Variants in EIF4G1 observed in about 807,000 individuals in gnomAD.
EIF4G1 encodes the protein EIF4-gamma.
Under a neutral mutation model 187.8 loss-of-function variants are expected in EIF4G1, and 4 were observed. The observed-to-expected ratio is 0.02, with a 90% CI of 0.01 to 0.05. The LOEUF is 0.05. EIF4G1 is among the 10% of genes least tolerant of loss of function. EIF4G1 has a pLI of 1.00. For synonymous variants in EIF4G1, 844 were observed against 781.4 expected (o/e 1.08, Z -1.34); for missense variants, 1,647 against 2,081.1 (o/e 0.79, Z 4.06).
chr3:184,322,912 G>A lies in EIF4G1; in HGVS notation c.1887G>A (p.Lys629=), dbSNP rs1371543004. The A allele has an allele frequency of 6.2e-7, 1 of 1,614,178 alleles. No individual in the cohort carries two copies. ...GFQFIFASMQ[K]PEGLPHISDV... ...AGTTCATCTTTGCCAGTATGCAGAA[G>A]CCAGAGGGATTGCCACATATCAGTG... Residue 629 remains lysine (K), a synonymous_variant, in exon 13 of 33, where the codon AAG becomes AAA. Coordinates refer to ENST00000346169, the MANE Select transcript of EIF4G1 (RefSeq NM_198241.3).
At position 184,322,004 on chromosome 3, in the gene EIF4G1, G is replaced by A. The variant is rs772168600; in HGVS notation, c.1420G>A (p.Ala474Thr). The change falls in exon 10 of 33, where the codon GCT becomes ACT. Residue 474 changes from alanine (A) to threonine (T), a missense_variant. Around this residue, in one of 11 missense-constraint regions of EIF4G1, gnomAD observed 522 missense variants for 485.2 expected, o/e 1.08. Transcript: ENST00000346169. Reference sequence around the variant, plus strand: ...AGGAGAAGCAGGAGAAGCAGGAGAAGCTGAGAGTGAGAAAGGAGGAGAGGA... The same window carrying A: ...AGGAGAAGCAGGAGAAGCAGGAGAAACTGAGAGTGAGAAAGGAGGAGAGGA... ...EEGEAGEAGE[A>T]ESEKGGEELL... 2 of 1,614,186 alleles carry A rather than the reference G, an allele frequency of 1.2e-6. No homozygotes were observed. The highest frequency in any genetic ancestry group is 2.2e-5 in the East Asian group (1 of 44,888).
intron 6 of EIF4G1, among the ~76,000 whole-genome samples, chr3:184,318,450 CTA>C (rs1469177355): frequency 6.6e-6 from 1 of 152,084 alleles, no homozygotes; most frequent in African/African-American, 2.4e-5. Context: ...GACCCTGTCT[CTA>C]TTTTAAAATT....
chr3:184,321,036 T>A (rs779764384), intron 9 of EIF4G1, 43 bp downstream of exon 9: 48 of 1,604,050 alleles, frequency 3.0e-5, no homozygotes, highest in Middle Eastern at 3.9e-4. Context: ...GGAAAGGGAA[T>A]GTTAACAGTT....
At position 184,331,284 on chromosome 3, in the gene EIF4G1, A is replaced by T. The variant is rs1426032500; in HGVS notation, c.4180A>T (p.Thr1394Ser). Reference sequence around the variant, plus strand: ...TTTCCAGGGTCCTAAAAAGGTGGGGACGCTGTGGCGAGAAGCCGGGCTTAG... The same window carrying T: ...TTTCCAGGGTCCTAAAAAGGTGGGGTCGCTGTGGCGAGAAGCCGGGCTTAG... Reference protein sequence around the residue: ...CKSMGPKKVGTLWREAGLSWK... With the variant: ...CKSMGPKKVGSLWREAGLSWK... Residue 1394 changes from threonine to serine, a missense_variant, in exon 29 of 33, where the codon ACG (threonine) becomes TCG (serine). Coordinates refer to ENST00000346169, the MANE Select transcript of EIF4G1 (RefSeq NM_198241.3). The T allele has an allele frequency of 6.2e-7, 1 of 1,614,030 alleles. No homozygotes were observed. Among genetic ancestry groups the T allele is most frequent in the Admixed American group, 1.7e-5 (1 of 60,002 alleles).
In EIF4G1 at chr3:184,323,729, A is replaced by C; in HGVS notation, c.2275-51A>C. On this transcript the variant is annotated intron_variant, in intron 15 of 32. Transcript: ENST00000346169. The surrounding 1 kb of genome is among the most constrained non-coding windows in gnomAD (Gnocchi z 6.9). ...CCCACCACCCTCTCCTGTCCCTCCC[A>C]ACAGCCTGTTCTGAGACCCTCACTG... The C allele has an allele frequency of 6.2e-7, 1 of 1,612,032 alleles. No individual in the cohort carries two copies. The highest frequency in any genetic ancestry group is 8.5e-7 in the Non-Finnish European group (1 of 1,179,620).
In EIF4G1 at chr3:184,323,615, G is replaced by T. The variant is rs769023397; in HGVS notation, c.2274+22G>T. ...CCAGGTACTGGCAAGTCCTGCTTTTGGTCTCTCTCCATTTCTTCTCCAGGT... is the reference window on the plus strand; with the variant it reads ...CCAGGTACTGGCAAGTCCTGCTTTTTGTCTCTCTCCATTTCTTCTCCAGGT... On this transcript the variant is annotated intron_variant, in intron 15 of 32. Coordinates refer to ENST00000346169, the MANE Select transcript of EIF4G1 (RefSeq NM_198241.3). The surrounding 1 kb of genome is among the most constrained non-coding windows in gnomAD (Gnocchi z 6.9). 13 of 1,613,586 alleles carry T rather than the reference G, an allele frequency of 8.1e-6. No individual in the cohort carries two copies. Among genetic ancestry groups the T allele is most frequent in the Non-Finnish European group, 1.1e-5 (13 of 1,180,022 alleles).
chr3:184,323,674 C>T lies in EIF4G1; in HGVS notation c.2274+81C>T, dbSNP rs531794555. 4 of 1,610,116 alleles carry T rather than the reference C, an allele frequency of 2.5e-6. No homozygotes were observed. The South Asian group carries it at 4.4e-5, about 18-fold the overall frequency. ...TGTGCCCTCTTTGCTTCTTTTTGTC[C>T]TTATCACTAGCATCTGTCATGCCTA... On this transcript the variant is annotated intron_variant, in intron 15 of 32. Coordinates refer to ENST00000346169, the MANE Select transcript of EIF4G1 (RefSeq NM_198241.3). The surrounding 1 kb of genome is among the most constrained non-coding windows in gnomAD (Gnocchi z 6.9).
At chr3:184,333,461 G>A (rs1441399059) in intron 32 of EIF4G1, among the ~76,000 whole-genome samples, 1 of 152,154 alleles carries the variant, frequency 6.6e-6, no homozygotes, top group African/African-American at 2.4e-5. Context: ...ACAGCCCCAA[G>A]GAGGTAGAGC....
chr3:184,315,722 T>C (rs1722649135), intron 2 of EIF4G1, 41 bp from the exon 3 acceptor site: 1 of 1,490,146 alleles, frequency 6.7e-7, no homozygotes, highest in Admixed American at 2.0e-5. Context: ...GCCTTAAGCT[T>C]GGGTCCCTTC....
At chr3:184,326,688 G>T in intron 22 of EIF4G1, 59 bp downstream of exon 22, 3 of 1,588,808 alleles carry the variant, frequency 1.9e-6, no homozygotes, top group Non-Finnish European at 2.6e-6. Context: ...TGAGGACAGA[G>T]CCTTTTCTGT....
intron 28 of EIF4G1, 74 bp from the exon 29 acceptor site, chr3:184,331,192 A>G: frequency 6.7e-7 from 1 of 1,488,242 alleles, no homozygotes; most frequent in South Asian, 1.1e-5. Flanking sequence ...TATTTGTTGG[A>G]TTAATGTGGT....
At chr3:184,318,835 C>T (rs1415220525) in intron 6 of EIF4G1, among the ~76,000 whole-genome samples, 1 of 151,852 alleles carries the variant, frequency 6.6e-6, no homozygotes, top group African/African-American at 2.4e-5. Flanking sequence ...GAACTCCTGG[C>T]CTCAAGTGAT....
chr3:184,330,308 G>C (rs971445274), intron 28 of EIF4G1, among the ~76,000 whole-genome samples: 1 of 152,174 alleles, frequency 6.6e-6, no homozygotes, highest in Admixed American at 6.5e-5. Context: ...GAACCCAGGA[G>C]GGGGAGGTTG....
intron 4 of EIF4G1, chr3:184,316,826 AG>A (rs1722881637): frequency 2.2e-6 from 3 of 1,373,002 alleles, no homozygotes; most frequent in Non-Finnish European, 3.0e-6. Flanking sequence ...GGGGATCTTC[AG>A]GGTAGTGACT....
Position 184,326,573 on chromosome 3 carries a change from G to T in EIF4G1, c.3269G>T (p.Arg1090Leu). Residue 1090 changes from arginine to leucine, a missense_variant, in exon 22 of 33, where the codon CGA (arginine) becomes CTA (leucine). By Grantham distance (102) the Arg-to-Leu change is moderately radical. Coordinates refer to ENST00000346169, the MANE Select transcript of EIF4G1 (RefSeq NM_198241.3). ...SNNQLFAPGG[R>L]LSWGKGSSGG... ...AACCAGCTCTTTGCACCTGGAGGGC[G>T]ACTGAGCTGGGGCAAGGGCAGCAGC... 6.2e-7 allele frequency: 1 copy of T among 1,613,328 alleles called. No homozygotes were observed. The highest frequency in any genetic ancestry group is 1.1e-5 in the South Asian group (1 of 91,034).
intron 3 of EIF4G1, 71 bp downstream of exon 3, chr3:184,315,927 A>C (rs896301627): frequency 6.6e-7 from 1 of 1,513,140 alleles, no homozygotes; most frequent in Non-Finnish European, 8.9e-7. Flanking sequence ...GGATCTTCCT[A>C]CCCCCATCTG....
chr3:184,321,835 A>T lies in EIF4G1; in HGVS notation c.1251A>T (p.Pro417=). 1 of 1,614,194 alleles carries T rather than the reference A, an allele frequency of 6.2e-7. No homozygotes were observed. Among genetic ancestry groups the T allele is most frequent in the Non-Finnish European group, 8.5e-7 (1 of 1,180,044 alleles). The change falls in exon 10 of 33, where the codon CCA becomes CCT. Residue 417 remains proline, a synonymous_variant. Coordinates refer to ENST00000346169, the MANE Select transcript of EIF4G1 (RefSeq NM_198241.3). ...CGCCACCAGCTGTGGACTTAAGCCCAGTCAGTGAGCCAGAGGAGCAGGCCA... is the reference window on the plus strand; with the variant it reads ...CGCCACCAGCTGTGGACTTAAGCCCTGTCAGTGAGCCAGAGGAGCAGGCCA... ...APSPPAVDLS[P]VSEPEEQAKE...
Position 184,323,688 on chromosome 3 carries a change from C to T in EIF4G1, c.2275-92C>T. The T allele has an allele frequency of 2.5e-6, 4 of 1,609,562 alleles. No individual in the cohort carries two copies. In the Admixed American group the frequency reaches 5.0e-5, roughly 20 times the overall value. On this transcript the variant is annotated intron_variant, in intron 15 of 32. Coordinates refer to ENST00000346169, the MANE Select transcript of EIF4G1 (RefSeq NM_198241.3). The surrounding 1 kb of genome is among the most constrained non-coding windows in gnomAD (Gnocchi z 6.9). ...TTCTTTTTGTCCTTATCACTAGCAT[C>T]TGTCATGCCTAAGTCCCCACCACCC... is the stretch of plus-strand genomic sequence containing the variant.
chr3:184,323,785 A>G lies in EIF4G1; in HGVS notation c.2280A>G (p.Leu760=), dbSNP rs746718990. The change falls in exon 16 of 33, where the codon CTA becomes CTG. Residue 760 remains leucine (L), a synonymous_variant. Coordinates refer to ENST00000346169, the MANE Select transcript of EIF4G1 (RefSeq NM_198241.3). This position sits in a 1 kb window ranked among gnomAD's most constrained non-coding sequence, Gnocchi z 6.9. ...CTTGTCTCTTCTCCCTCCAGGACCTATTCCGCAGGGTGCGCTCCATCCTGA... is the reference window on the plus strand; with the variant it reads ...CTTGTCTCTTCTCCCTCCAGGACCTGTTCCGCAGGGTGCGCTCCATCCTGA... ...EDADGSKTQD[L]FRRVRSILNK... 9.9e-6 allele frequency: 16 copies of G among 1,613,708 alleles called. No homozygotes were observed. Among genetic ancestry groups the G allele is most frequent in the South Asian group, 3.3e-5 (3 of 91,072 alleles).
Sources: allele counts gnomAD v4.1 joint callset (sites outside exome capture counted in the v4.1 genomes callset), GRCh38; gene constraint gnomAD v4.1.1; regional missense constraint gnomAD v4.1.1; non-coding constraint Gnocchi (gnomAD v3.1); transcripts MANE v1.5; gene names NCBI Gene and HGNC (gene_info 2026-07-23, HGNC 2026-07-21).